NOC2L: variants seen among roughly 807,000 people sequenced by gnomAD.
NOC2L encodes NOC2 like nucleolar associated transcriptional repressor, also known as nucleolar complex protein 2 homolog.
Under a neutral mutation model 94.2 loss-of-function variants are expected in NOC2L, and 101 were observed. That is an observed-to-expected ratio of 1.07 (90% CI 0.91 to 1.26). The LOEUF (loss-of-function observed/expected upper bound fraction) is 1.26, where lower values mean the gene tolerates loss of function less well. Among genes scored for constraint, NOC2L ranks in the 50% most tolerant of loss-of-function variants. The probability of loss-of-function intolerance (pLI) is 0.00; values close to 1 mark genes in which losing one functional copy is unlikely to be tolerated. For missense variants in NOC2L, 1,076 were observed against 980.1 expected (o/e 1.10, Z -1.31); for synonymous variants, 531 against 413.4 (o/e 1.28, Z -3.45).
chr1:956,563 A>C (rs1367237473), intron 4 of NOC2L, among the ~76,000 whole-genome samples: 1 of 152,174 alleles, frequency 6.6e-6, no homozygotes, highest in Non-Finnish European at 1.5e-5. Context: ...CAACAAAGGC[A>C]CAGTCCGTCC....
At chr1:945,323 C>T (rs1642072041) in intron 17 of NOC2L, 177 bp from the exon 18 acceptor site, 7 of 961,842 alleles carry the variant, frequency 7.3e-6, no homozygotes, top group Non-Finnish European at 1.1e-5. Context: ...ACAGAGTTAC[C>T]AATCCCAGTA....
chr1:946,502 C>A lies in NOC2L; in HGVS notation c.1703G>T (p.Arg568Leu). Residue 568 changes from arginine (R) to leucine (L), a missense_variant, in exon 15 of 19, where the codon CGG becomes CTG. This residue lies in a region of NOC2L where 615 missense variants were observed against 577.4 expected (regional missense o/e 1.07). Coordinates refer to ENST00000327044, the MANE Select transcript of NOC2L (RefSeq NM_015658.4). ...LRECKVANYCRQVQQLLGKVQ... is the reference protein window; with the variant it reads ...LRECKVANYCLQVQQLLGKVQ... Reference sequence around the variant, plus strand: ...CTTCCCAAGCAGCTGCTGCACCTGCCGGCAGTAGTTGGCCACCTTGCACTC... The same window carrying A: ...CTTCCCAAGCAGCTGCTGCACCTGCAGGCAGTAGTTGGCCACCTTGCACTC... The A allele has an allele frequency of 6.2e-7, 1 of 1,613,258 alleles. No homozygotes were observed. Among genetic ancestry groups the A allele is most frequent in the Non-Finnish European group, 8.5e-7 (1 of 1,179,962 alleles).
chr1:946,557 A>AG lies in NOC2L; in HGVS notation c.1660-13dup, dbSNP rs745356950. On this transcript the variant is annotated splice_polypyrimidine_tract_variant and intron_variant, in intron 14 of 18. Transcript: ENST00000327044. The stretch of plus-strand genomic sequence containing the variant: ...AGGAACGACTTCAGCTGCGGAAGGG[A>AG]GGGGTCAGCCACTGAAGCCCAGGAC... The AG allele has an allele frequency of 1.2e-5, 19 of 1,609,822 alleles. No homozygotes were observed. The highest frequency in any genetic ancestry group is 1.5e-5 in the Non-Finnish European group (18 of 1,177,500).
At chr1:947,910 G>C (rs959546448) in intron 14 of NOC2L, among the ~76,000 whole-genome samples, 2 of 152,196 alleles carry the variant, frequency 1.3e-5, no homozygotes, top group African/African-American at 4.8e-5. Flanking sequence ...TGCTCCCAGG[G>C]TCCTCAGCCC....
chr1:944,680 C>G lies in NOC2L; in HGVS notation c.*14G>C. On this transcript the variant is annotated 3_prime_UTR_variant, in exon 19 of 19. Transcript: ENST00000327044. ...CAGCCCGGCAGCCCCTACAGGCCCC[C>G]CAGATGGGCTGCCTCAGTCGTCCTC... 3.8e-6 allele frequency: 6 copies of G among 1,561,480 alleles called. No homozygotes were observed. Among genetic ancestry groups the G allele is most frequent in the Non-Finnish European group, 5.2e-6 (6 of 1,148,676 alleles).
rs773943550 is a variant in NOC2L, at chr1:944,818, G to A, written c.2144-18C>T. 10 of 1,517,080 alleles carry A rather than the reference G, an allele frequency of 6.6e-6. No individual in the cohort carries two copies. The highest frequency in any genetic ancestry group is 3.5e-5 in the South Asian group (3 of 85,612). The allele number at this position is 1,517,080 out of a possible 1,614,324, so 94.0% of individuals were successfully genotyped here. On this transcript the variant is annotated intron_variant, in intron 18 of 18. Coordinates refer to ENST00000327044, the MANE Select transcript of NOC2L (RefSeq NM_015658.4). The stretch of plus-strand genomic sequence containing the variant: ...GTCTCCATCTGCGGGGAGAGATGGA[G>A]GCTACATAAATTTTGCTTTATCAGG...
At position 956,103 on chromosome 1, in the gene NOC2L, T is replaced by C; in HGVS notation, c.599A>G (p.Asp200Gly). The C allele has an allele frequency of 6.2e-7, 1 of 1,613,960 alleles. No homozygotes were observed. Among genetic ancestry groups the C allele is most frequent in the Non-Finnish European group, 8.5e-7 (1 of 1,180,000 alleles). The change falls in exon 5 of 19, where the codon GAC (aspartate) becomes GGC (glycine). Residue 200 changes from aspartate to glycine, a missense_variant. By Grantham distance (94) the Asp-to-Gly change is moderately conservative. Transcript: ENST00000327044. ...SAEANKFQVTDSAAFNALVTF... is the reference protein window; with the variant it reads ...SAEANKFQVTGSAAFNALVTF... ...GCTCCCCCCAAGCTCACCAGCACTG[T>C]CCGTGACCTGGAATTTGTTGGCCTC...
rs768412867 is a variant in NOC2L at position 959,041 on chromosome 1, C to T, written c.67G>A (p.Gly23Ser). ...TCGGATTCGGACTCGGAGTCAAAGC[C>T]CGAAGCTAGGAACTCGTCCACCGTC... ...ELTVDEFLAS[G>S]FDSESESESE... Residue 23 changes from glycine to serine, a missense_variant, in exon 2 of 19, where the codon GGC (glycine) becomes AGC (serine). Gly to Ser is a moderately conservative substitution (Grantham distance 56, BLOSUM62 0). Transcript: ENST00000327044. 20 of 1,611,580 alleles carry T rather than the reference C, an allele frequency of 1.2e-5. No homozygotes were observed. Among genetic ancestry groups the T allele is most frequent in the Admixed American group, 1.7e-5 (1 of 59,940 alleles).
chr1:954,915 G>C (rs6661531), intron 6 of NOC2L, among the ~76,000 whole-genome samples: 12,314 of 152,160 alleles, frequency 0.081, 919 homozygotes, highest in African/African-American at 0.2. Context: ...ACTAAAATCT[G>C]CTGAAGCATG....
chr1:944,238 CT>C lies in NOC2L; in HGVS notation c.*455del. 6.9e-7 allele frequency: 1 copy of C among 1,455,576 alleles called. No homozygotes were observed. Among genetic ancestry groups the C allele is most frequent in the Non-Finnish European group, 9.0e-7 (1 of 1,105,022 alleles). The allele number at this position is 1,455,576 out of a possible 1,614,324, so 90.2% of individuals were successfully genotyped here. A position where few individuals can be genotyped will look rare whatever the true frequency, so the allele number is the denominator to read the frequency against. On this transcript the variant is annotated 3_prime_UTR_variant, in exon 19 of 19. Coordinates refer to ENST00000327044, the MANE Select transcript of NOC2L (RefSeq NM_015658.4). Reference sequence around the variant, plus strand: ...GGCCCTGCCTCCCACCGCTTTATTTCTTTCGGTTTCGGATGCAAAACAAAAA... The same window carrying C: ...GGCCCTGCCTCCCACCGCTTTATTTCTTCGGTTTCGGATGCAAAACAAAAA...
chr1:950,819 A>G (rs945730797), intron 12 of NOC2L, among the ~76,000 whole-genome samples: 5 of 152,262 alleles, frequency 3.3e-5, no homozygotes, highest in Admixed American at 6.5e-5. Context: ...TGTACAGTTC[A>G]GCAATCAGAC....
rs1196463457 is a variant in NOC2L, at chr1:959,047, C to G, written c.61G>C (p.Ala21Pro). Residue 21 changes from alanine (A) to proline (P), a missense_variant, in exon 2 of 19, where the codon GCT (alanine) becomes CCT (proline). Ala to Pro is a conservative substitution (Grantham distance 27). Coordinates refer to ENST00000327044, the MANE Select transcript of NOC2L (RefSeq NM_015658.4). ...TCGGACTCGGAGTCAAAGCCCGAAG[C>G]TAGGAACTCGTCCACCGTCAGCTCC... ...LAELTVDEFL[A>P]SGFDSESESE... The G allele has an allele frequency of 1.9e-6, 3 of 1,611,060 alleles. No individual in the cohort carries two copies. Among genetic ancestry groups the G allele is most frequent in the Non-Finnish European group, 2.5e-6 (3 of 1,178,768 alleles).
chr1:956,034 T>G (rs369384359), intron 5 of NOC2L, 21 bp from the exon 6 acceptor site: 2 of 1,613,970 alleles, frequency 1.2e-6, no homozygotes, highest in Admixed American at 1.7e-5. Context: ...AAGGCCTGGA[T>G]GTACTCACGG....
chr1:945,000 T>G (rs1193239332), intron 18 of NOC2L, 57 bp downstream of exon 18: 1 of 1,611,968 alleles, frequency 6.2e-7, no homozygotes, highest in East Asian at 2.2e-5. Flanking sequence ...CACGTGGCTC[T>G]GCCCTCCCGC....
chr1:952,587 G>A lies in NOC2L; in HGVS notation c.1016C>T (p.Thr339Met), dbSNP rs199569261. The change falls in exon 10 of 19, where the codon ACG (threonine) becomes ATG (methionine). Residue 339 changes from threonine (T) to methionine (M), a missense_variant. Thr to Met is a moderately conservative substitution (Grantham distance 81, BLOSUM62 -1). Transcript: ENST00000327044. Reference protein sequence around the residue: ...LGPVLKQMYITYVRNCKFTSP... With the variant: ...LGPVLKQMYIMYVRNCKFTSP... ...GGTGAACTTGCAGTTCCTCACATAC[G>A]TGATGTACATTTGCTGCGGAGAGAC... 151 of 1,613,744 alleles carry A rather than the reference G, an allele frequency of 9.4e-5. 1 individual carries two copies. The East Asian group carries it at 2.3e-3, about 25-fold the overall frequency.
At chr1:953,686 A>T in intron 8 of NOC2L, 96 bp downstream of exon 8, 1 of 919,174 alleles carries the variant, frequency 1.1e-6, no homozygotes, top group Non-Finnish European at 1.7e-6. Context: ...GAGTGTGGGC[A>T]CCACCTGTGC....
intron 14 of NOC2L, 78 bp from the exon 15 acceptor site, chr1:946,623 A>C: frequency 6.5e-7 from 1 of 1,540,032 alleles, no homozygotes; most frequent in Non-Finnish European, 8.8e-7. Flanking sequence ...GTGCAAAACC[A>C]CGCGTGGTGG....
chr1:946,555 G>C lies in NOC2L; in HGVS notation c.1660-10C>G. 1 of 1,609,934 alleles carries C rather than the reference G, an allele frequency of 6.2e-7. No homozygotes were observed. The highest frequency in any genetic ancestry group is 8.5e-7 in the Non-Finnish European group (1 of 1,177,548). On this transcript the variant is annotated splice_polypyrimidine_tract_variant and intron_variant, in intron 14 of 18. Transcript: ENST00000327044. ...GGAGGAACGACTTCAGCTGCGGAAG[G>C]GAGGGGTCAGCCACTGAAGCCCAGG...
rs1288585592 is a variant in NOC2L at position 948,564 on chromosome 1, T to C, written c.1483A>G (p.Met495Val). Residue 495 changes from methionine to valine, a missense_variant, in exon 13 of 19, where the codon ATG becomes GTG. Met to Val is a conservative substitution (Grantham distance 21). This residue lies in a region of NOC2L where 615 missense variants were observed against 577.4 expected (regional missense o/e 1.07). Coordinates refer to ENST00000327044, the MANE Select transcript of NOC2L (RefSeq NM_015658.4). ...QVDFNRKPGR[M>V]SSKPINFSVI... ...GAGAAGTTGATGGGCTTGGAGCTCA[T>C]GCGCCCTGGCTTCCTGTTGAAGTCG... The C allele has an allele frequency of 2.5e-6, 4 of 1,613,570 alleles. No homozygotes were observed. Among genetic ancestry groups the C allele is most frequent in the African/African-American group, 1.3e-5 (1 of 74,924 alleles).
Sources: allele counts gnomAD v4.1 joint callset (sites outside exome capture counted in the v4.1 genomes callset), GRCh38; gene constraint gnomAD v4.1.1; regional missense constraint gnomAD v4.1.1; transcripts MANE v1.5; gene names NCBI Gene and HGNC (gene_info 2026-07-23, HGNC 2026-07-21).